Variants in DHX34 observed in about 807,000 individuals in gnomAD.
DHX34 encodes DExH-box helicase 34.
A neutral mutation model predicts 111.1 loss-of-function variants in DHX34; 96 were observed. That is an observed-to-expected ratio of 0.86 (90% CI 0.73 to 1.02). The LOEUF (loss-of-function observed/expected upper bound fraction) is 1.02. Among genes scored for constraint, DHX34 ranks in the 50% least tolerant of loss-of-function variants. The pLI is 0.00. For missense variants in DHX34, 1,560 were observed against 1,579.9 expected, an observed-to-expected ratio of 0.99 and a Z score of 0.21; for synonymous variants, 688 against 670.4, an observed-to-expected ratio of 1.03 and a Z score of -0.41.
At chr19:47,354,953 C>A (rs377447577) in intron 2 of DHX34, 86 bp from the exon 3 acceptor site, 1 of 1,558,372 alleles carries the variant, frequency 6.4e-7, no homozygotes. Context: ...CGCACCCGGC[C>A]TGCTTAGATT....
In DHX34 at chr19:47,378,319, G is replaced by C. The variant is rs564058895; in HGVS notation, c.2706+1113G>C. Among the ~76,000 whole-genome samples the C allele has an allele frequency of 5.9e-5, 9 of 152,320 alleles. No homozygotes were observed. In the South Asian group the frequency reaches 1.7e-3, roughly 28 times the overall value. On this transcript the variant is annotated intron_variant, in intron 13 of 16. Coordinates refer to ENST00000328771, the MANE Select transcript of DHX34 (RefSeq NM_014681.6). Reference sequence around the variant, plus strand: ...GTTAGTGTTCAGTGTTCTGGGGCCGGGGGTGCAGCTGTGGTCAATGTCAAC... The same window carrying C: ...GTTAGTGTTCAGTGTTCTGGGGCCGCGGGTGCAGCTGTGGTCAATGTCAAC...
intron 12 of DHX34, 199 bp from the exon 13 acceptor site, chr19:47,376,901 G>A: frequency 6.5e-7 from 1 of 1,534,882 alleles, no homozygotes; most frequent in Non-Finnish European, 8.7e-7. Flanking sequence ...GCATGGAAGG[G>A]TGTCTCGCTG....
Position 47,360,215 on chromosome 19 carries a change from C to T in DHX34, c.1375+145C>T, listed in dbSNP as rs1317071502. 11 of 693,822 alleles carry T rather than the reference C, an allele frequency of 1.6e-5. No homozygotes were observed. In the East Asian group the frequency reaches 2.5e-4, roughly 16 times the overall value. The allele number at this position is 693,822 out of a possible 1,614,324, so 43.0% of individuals were successfully genotyped here. ...CATATCCAAAATGCTTGCTTGCAAC[C>T]AGAAGTGTTTGGAATTTCGGGTTTT... On this transcript the variant is annotated intron_variant, in intron 5 of 16. Coordinates refer to ENST00000328771, the MANE Select transcript of DHX34 (RefSeq NM_014681.6).
In DHX34 at chr19:47,372,816, A is replaced by G. The variant is rs768259450; in HGVS notation, c.1855A>G (p.Thr619Ala). 1 of 1,612,994 alleles carries G rather than the reference A, an allele frequency of 6.2e-7. No individual in the cohort carries two copies. The highest frequency in any genetic ancestry group is 1.1e-5 in the South Asian group (1 of 91,070). The part of the protein sequence containing the change: ...AAALSVQSPF[T>A]RSAQSSPECA... ...CGCACTTAGCGTCCAGTCGCCCTTC[A>G]CCCGCAGCGCCCAGAGCAGCCCAGA... Residue 619 changes from threonine to alanine, a missense_variant, in exon 8 of 17, where the codon ACC (threonine) becomes GCC (alanine). Coordinates refer to ENST00000328771, the MANE Select transcript of DHX34 (RefSeq NM_014681.6).
At position 47,353,587 on chromosome 19, in the gene DHX34, A is replaced by C. The variant is rs746525776; in HGVS notation, c.557A>C (p.Asp186Ala). The C allele has an allele frequency of 2.5e-6, 4 of 1,613,046 alleles. No individual in the cohort carries two copies. In the African/African-American group the frequency reaches 4.0e-5, roughly 16 times the overall value. Residue 186 changes from aspartate (D) to alanine (A), a missense_variant, in exon 2 of 17, where the codon GAC becomes GCC. Coordinates refer to ENST00000328771, the MANE Select transcript of DHX34 (RefSeq NM_014681.6). This position sits in a 1 kb window ranked among gnomAD's most constrained non-coding sequence, Gnocchi z 4.6. ...KEHQVVVVAG[D>A]TGCGKSTQVP... ...CACCAGGTGGTGGTAGTGGCCGGTG[A>C]CACCGGCTGTGGCAAGTCCACTCAG... is the stretch of plus-strand genomic sequence containing the variant.
chr19:47,380,626 G>A (rs1206190072), intron 14 of DHX34, 190 bp from the exon 15 acceptor site: 5 of 984,852 alleles, frequency 5.1e-6, no homozygotes, highest in African/African-American at 1.8e-5. Flanking sequence ...TTAGATGGGG[G>A]TGGGTTATCA....
At chr19:47,349,416 G>C (rs1369299035) in intron 1 of DHX34, 64 bp downstream of exon 1, 2 of 152,448 alleles carry the variant, frequency 1.3e-5, no homozygotes, top group Non-Finnish European at 2.9e-5. Flanking sequence ...GAGTTGGGCC[G>C]CTTGGGGGTA....
intron 5 of DHX34, among the ~76,000 whole-genome samples, chr19:47,360,945 C>T (rs949490801): frequency 7.2e-5 from 11 of 151,916 alleles, no homozygotes; most frequent in South Asian, 4.2e-4. Flanking sequence ...GCTGGGATTA[C>T]GGGCATGAGC....
Position 47,375,634 on chromosome 19 carries a change from C to T in DHX34, c.2233C>T (p.Gln745Ter). 6.4e-7 allele frequency: 1 copy of T among 1,552,434 alleles called. No individual in the cohort carries two copies. The highest frequency in any genetic ancestry group is 8.7e-7 in the Non-Finnish European group (1 of 1,151,668). Residue 745 changes from glutamine to a stop codon, truncating the protein, a stop_gained, in exon 10 of 17, where the codon CAG (glutamine) becomes TAG (stop). Transcript: ENST00000328771. LOFTEE classifies it high-confidence loss of function. ...RRKVLRLQEEQDGGSSDEDRA... is the reference protein window; with the variant it reads ...RRKVLRLQEE Reference sequence around the variant, plus strand: ...CAAGGTGCTGCGGCTGCAGGAGGAGCAGGACGGCGGCTCCAGTGACGAGGA... The same window carrying T: ...CAAGGTGCTGCGGCTGCAGGAGGAGTAGGACGGCGGCTCCAGTGACGAGGA...
chr19:47,351,175 T>TC (rs1381647735), intron 1 of DHX34, among the ~76,000 whole-genome samples: 2 of 103,692 alleles, frequency 1.9e-5, no homozygotes, highest in Non-Finnish European at 3.7e-5. Context: ...CTTTTTCTTT[T>TC]TTTTTTTTTT....
At position 47,353,592 on chromosome 19, in the gene DHX34, G is replaced by T. The variant is rs370916458; in HGVS notation, c.562G>T (p.Gly188Cys). 5 of 1,612,998 alleles carry T rather than the reference G, an allele frequency of 3.1e-6. No homozygotes were observed. The highest frequency in any genetic ancestry group is 4.2e-6 in the Non-Finnish European group (5 of 1,180,014). Residue 188 changes from glycine (G) to cysteine (C), a missense_variant, in exon 2 of 17, where the codon GGC becomes TGC. Physicochemically the swap from Gly to Cys is radical, Grantham distance 159. Transcript: ENST00000328771. The surrounding 1 kb of genome is among the most constrained non-coding windows in gnomAD (Gnocchi z 4.6). ...HQVVVVAGDT[G>C]CGKSTQVPQY... is the part of the protein sequence containing the mutation. ...GGTGGTGGTAGTGGCCGGTGACACC[G>T]GCTGTGGCAAGTCCACTCAGGTGCC...
At chr19:47,372,169 C>T (rs1264486312) in intron 7 of DHX34, among the ~76,000 whole-genome samples, 2 of 151,810 alleles carry the variant, frequency 1.3e-5, no homozygotes, top group East Asian at 3.9e-4. Flanking sequence ...CATCTTTCTC[C>T]ATGTCTTCGC....
In DHX34 at chr19:47,365,610, G is replaced by T. The variant is rs1969767078; in HGVS notation, c.1594-1371G>T. 2.0e-5 allele frequency among the ~76,000 whole-genome samples: 3 copies of T among 152,314 alleles called. No homozygotes were observed. The South Asian group carries it at 6.2e-4, about 32-fold the overall frequency. Reference sequence around the variant, plus strand: ...CATAGACGGCATCAAGGCTTGGTCAGCAGGGAGGAAGGAGCAGCAGCTGCT... The same window carrying T: ...CATAGACGGCATCAAGGCTTGGTCATCAGGGAGGAAGGAGCAGCAGCTGCT... On this transcript the variant is annotated intron_variant, in intron 6 of 16. Transcript: ENST00000328771.
At chr19:47,370,853 T>C (rs1969943819) in intron 7 of DHX34, among the ~76,000 whole-genome samples, 1 of 152,128 alleles carries the variant, frequency 6.6e-6, no homozygotes. Flanking sequence ...TTGTATTTTT[T>C]AGTAGAAACA....
At position 47,363,211 on chromosome 19, in the gene DHX34, C is replaced by T. The variant is rs528789535; in HGVS notation, c.1593+518C>T. 2.6e-4 allele frequency among the ~76,000 whole-genome samples: 40 copies of T among 152,174 alleles called. No homozygotes were observed. The South Asian group carries it at 6.4e-3, about 24-fold the overall frequency. ...CCTTGTAATCCACCCTCCTCGGCCT[C>T]CCAAAGTGCTGGGATTACAGGCATG... On this transcript the variant is annotated intron_variant, in intron 6 of 16. Transcript: ENST00000328771.
chr19:47,371,244 A>G (rs1317212767), intron 7 of DHX34, among the ~76,000 whole-genome samples: 1 of 152,134 alleles, frequency 6.6e-6, no homozygotes, highest in Non-Finnish European at 1.5e-5. Flanking sequence ...TATCTCCCTG[A>G]GGGCTGGGGG....
At position 47,381,270 on chromosome 19, in the gene DHX34, G is replaced by C; in HGVS notation, c.3244G>C (p.Glu1082Gln). 1 of 1,613,988 alleles carries C rather than the reference G, an allele frequency of 6.2e-7. No individual in the cohort carries two copies. Among genetic ancestry groups the C allele is most frequent in the Non-Finnish European group, 8.5e-7 (1 of 1,179,938 alleles). The change falls in exon 16 of 17, where the codon GAG becomes CAG. Residue 1082 changes from glutamate (E) to glutamine (Q), a missense_variant. Glu to Gln is a conservative substitution (Grantham distance 29). Transcript: ENST00000328771. ...CGLHAPLTPLERIAHENTCPQ... is the reference protein window; with the variant it reads ...CGLHAPLTPLQRIAHENTCPQ... ...CCTGCATGCGCCCCTCACGCCCCTG[G>C]AGCGCATCGCCCATGAGAACACCTG...
chr19:47,359,900 AG>A lies in DHX34; in HGVS notation c.1273-67del, dbSNP rs1969572886. 18 of 1,608,014 alleles carry A rather than the reference AG, an allele frequency of 1.1e-5. No homozygotes were observed. In the South Asian group the frequency reaches 1.8e-4, roughly 16 times the overall value. ...GAAGCTGCTGACACGGGGGTGGGCA[AG>A]AAATTGGACACATAGGTTAGTCGGG... On this transcript the variant is annotated intron_variant, in intron 4 of 16. Transcript: ENST00000328771.
At chr19:47,370,973 T>G (rs1165233653) in intron 7 of DHX34, among the ~76,000 whole-genome samples, 1 of 152,188 alleles carries the variant, frequency 6.6e-6, no homozygotes, top group Non-Finnish European at 1.5e-5. Flanking sequence ...TGCGCCCGGC[T>G]TCATTTTTGT....
Sources: gnomAD v4.1 joint callset for allele counts (sites outside exome capture counted in the v4.1 genomes callset) on GRCh38, gnomAD v4.1.1 for gene constraint, Gnocchi (gnomAD v3.1) non-coding constraint, MANE v1.5 for transcripts, NCBI Gene and HGNC (gene_info 2026-07-23, HGNC 2026-07-21) for gene names.